Variants in HCFC1 observed in about 807,000 individuals in gnomAD.
The protein encoded by HCFC1 is host cell factor C1, also known as host cell factor 1.
In HCFC1, 7 loss-of-function variants were observed where a neutral mutation model predicts 105.5. The observed-to-expected ratio is 0.07, with a 90% confidence interval of 0.04 to 0.12. The LOEUF is 0.12. Among genes scored for constraint, HCFC1 ranks in the 10% least tolerant of loss-of-function variants. The probability of loss-of-function intolerance (pLI) is 1.00; values close to 1 mark genes in which losing one functional copy is unlikely to be tolerated. For missense variants in HCFC1, 1,065 were observed against 1,823.6 expected (o/e 0.58, Z 7.58); for synonymous variants, 918 against 828.1 (o/e 1.11, Z -1.86).
At chrX:153,960,577 A>G (rs907715794) in intron 6 of HCFC1, among the ~76,000 whole-genome samples, 163 bp from the exon 7 acceptor site, 11 of 112,384 alleles carry the variant, frequency 9.8e-5, no homozygotes, top group African/African-American at 3.6e-4. Flanking sequence ...TGTGGCAAAA[A>G]GCAACACAAA....
rs782397167 is a variant in HCFC1, at chrX:153,957,918, C to G, written c.2029-32G>C. On this transcript the variant is annotated intron_variant, in intron 11 of 25. Transcript: ENST00000310441. ...AGGAAGGGATGGAGCAAGGAGTGAT[C>G]TGGAAACCAAACAAGGGCATGGCCT... is the stretch of plus-strand genomic sequence containing the variant. 43 of 1,170,034 alleles carry G rather than the reference C, an allele frequency of 3.7e-5. 1 individual carries two copies. The Admixed American group carries it at 7.4e-4, about 20-fold the overall frequency.
At position 153,951,211 on chromosome X, in the gene HCFC1, GA is replaced by G. The variant is rs1238920797; in HGVS notation, c.5517+138del. ...TCTCCTTTTCTACTGCTTCAGGGGGGATGGTCTCTGCCCACCTTCCTCAGGC... is the reference window on the plus strand; with the variant it reads ...TCTCCTTTTCTACTGCTTCAGGGGGGTGGTCTCTGCCCACCTTCCTCAGGC... On this transcript the variant is annotated intron_variant, in intron 22 of 25. Coordinates refer to ENST00000310441, the MANE Select transcript of HCFC1 (RefSeq NM_005334.3). 5 of 730,301 alleles carry G rather than the reference GA, an allele frequency of 6.8e-6. No individual in the cohort carries two copies. The East Asian group carries it at 1.3e-4, about 19-fold the overall frequency. 60.2% of individuals were successfully genotyped at this position (730,301 alleles called of 1,213,427 possible). A position where few individuals can be genotyped will look rare whatever the true frequency, so the allele number is the denominator to read the frequency against.
chrX:153,964,371 G>T, intron 2 of HCFC1, 87 bp from the exon 3 acceptor site: 1 of 984,520 alleles, frequency 1.0e-6, no homozygotes, highest in Non-Finnish European at 1.4e-6. Flanking sequence ...AGGAGGAAAT[G>T]GCCGGGGGTG....
rs373748025 is a variant in HCFC1 at position 153,960,218 on chromosome X, G to T, written c.1084+17C>A. ...GGGAGGCTATGGGAGGAGGGGAGTC[G>T]GCTGGGCCGGGCCTACCTGTCTCTA... On this transcript the variant is annotated intron_variant, in intron 7 of 25. Transcript: ENST00000310441. 8.4e-7 allele frequency: 1 copy of T among 1,185,844 alleles called. No individual in the cohort carries two copies. The highest frequency in any genetic ancestry group is 1.1e-6 in the Non-Finnish European group (1 of 880,726).
chrX:153,963,711 T>C lies in HCFC1; in HGVS notation c.504-278A>G, dbSNP rs1298079657. Reference sequence around the variant, plus strand: ...GCCATGCACACAAAGCTGGGTATTATATGAGGGCTCCGCAGAGCAAGAGGG... The same window carrying C: ...GCCATGCACACAAAGCTGGGTATTACATGAGGGCTCCGCAGAGCAAGAGGG... On this transcript the variant is annotated intron_variant, in intron 3 of 25. Transcript: ENST00000310441. Among the ~76,000 whole-genome samples, 8 of 112,722 alleles carry C rather than the reference T, an allele frequency of 7.1e-5. No homozygotes were observed. The Admixed American group carries it at 7.4e-4, about 10-fold the overall frequency.
At position 153,951,416 on chromosome X, in the gene HCFC1, G is replaced by A. The variant is rs782112319; in HGVS notation, c.5451C>T (p.Val1817=). Residue 1817 remains valine, a synonymous_variant, in exon 22 of 26, where the codon GTC becomes GTT. Transcript: ENST00000310441. ...TCACCATTACATTGGTGCCCTTAAT[G>A]ACTCCCACATCAAACCACTGGTTTT... The part of the protein sequence containing the change: ...KKENQWFDVG[V]IKGTNVMVTH... 5.0e-6 allele frequency: 6 copies of A among 1,210,216 alleles called. No individual in the cohort carries two copies. Among genetic ancestry groups the A allele is most frequent in the Non-Finnish European group, 6.7e-6 (6 of 894,090 alleles).
At chrX:153,957,154 T>C in intron 13 of HCFC1, 94 bp from the exon 14 acceptor site, 2 of 1,051,295 alleles carry the variant, frequency 1.9e-6, no homozygotes, top group Non-Finnish European at 2.6e-6. Flanking sequence ...GTCACAGCCA[T>C]AGCCCTGCCC....
Position 153,954,985 on chromosome X carries a change from G to A in HCFC1, c.3414C>T (p.Ala1138=). 1 of 1,205,051 alleles carries A rather than the reference G, an allele frequency of 8.3e-7. No homozygotes were observed. Among genetic ancestry groups the A allele is most frequent in the Non-Finnish European group, 1.1e-6 (1 of 892,786 alleles). The change falls in exon 17 of 26, where the codon GCC becomes GCT. Residue 1138 remains alanine (A), a synonymous_variant. Transcript: ENST00000310441. The part of the protein sequence containing the change: ...GANHQRDARR[A]CAAGTPAVIR... ...TCACGGCAGGGGTGCCAGCTGCACA[G>A]GCCCGACGGGCATCTCGCTGGTGGT...
intron 19 of HCFC1, 142 bp downstream of exon 19, chrX:153,952,372 C>T (rs1382018040): frequency 1.5e-5 from 13 of 886,337 alleles, no homozygotes; most frequent in Non-Finnish European, 2.0e-5. Flanking sequence ...CTTGGCCTGC[C>T]TGGGGTCCCC....
intron 22 of HCFC1, 95 bp from the exon 23 acceptor site, chrX:153,951,093 G>A (rs1337160171): frequency 1.4e-5 from 12 of 875,516 alleles, no homozygotes; most frequent in East Asian, 3.1e-5. Context: ...ATGGGCCAGA[G>A]GGAAAAGAGG....
chrX:153,966,569 A>C (rs2065475639), intron 1 of HCFC1, among the ~76,000 whole-genome samples: 1 of 112,514 alleles, frequency 8.9e-6, no homozygotes, highest in African/African-American at 3.2e-5. Context: ...GTCCTGACCA[A>C]TCCCTGGAGG....
intron 18 of HCFC1, 138 bp from the exon 19 acceptor site, chrX:153,953,096 A>G (rs2065331081): frequency 1.8e-6 from 1 of 545,802 alleles, no homozygotes; most frequent in Non-Finnish European, 3.2e-6. Context: ...ATCTTCTAGA[A>G]AGGGAGAGAA....
Position 153,955,530 on chromosome X carries a change from G to A in HCFC1, c.2869C>T (p.Pro957Ser). The change falls in exon 17 of 26, where the codon CCC becomes TCC. Residue 957 changes from proline (P) to serine (S), a missense_variant. Pro to Ser is a moderately conservative substitution (Grantham distance 74). Around this residue, in one of 17 missense-constraint regions of HCFC1, gnomAD observed 137 missense variants for 378.2 expected, o/e 0.36. Transcript: ENST00000310441. ...PTITMQPVSQ[P>S]TQVTLITAPS... ...GCCGTGATCAGAGTTACCTGGGTGG[G>A]CTGGGACACGGGCTGGGGAGACACA... 8.5e-7 allele frequency: 1 copy of A among 1,171,065 alleles called. No homozygotes were observed. Among genetic ancestry groups the A allele is most frequent in the South Asian group, 2.0e-5 (1 of 50,390 alleles).
At position 153,955,299 on chromosome X, in the gene HCFC1, C is replaced by A; in HGVS notation, c.3100G>T (p.Val1034Leu). ...TGGGGGTGTCCCCCAAGGTTAGCCA[C>A]AACAGTAGTGGTGGCCGTGTTGGTG... Reference protein sequence around the residue: ...GTTNTATTTVVANLGGHPQPT... With the variant: ...GTTNTATTTVLANLGGHPQPT... The change falls in exon 17 of 26, where the codon GTG becomes TTG. Residue 1034 changes from valine to leucine, a missense_variant. Physicochemically the swap from Val to Leu is conservative, Grantham distance 32. This residue lies in a region of HCFC1 where 546 missense variants were observed against 599.9 expected (regional missense o/e 0.91). Transcript: ENST00000310441. The A allele has an allele frequency of 8.3e-7, 1 of 1,205,298 alleles. No homozygotes were observed. Among genetic ancestry groups the A allele is most frequent in the South Asian group, 1.8e-5 (1 of 56,628 alleles).
chrX:153,954,084 T>G lies in HCFC1; in HGVS notation c.4315A>C (p.Asn1439His), dbSNP rs782138046. The change falls in exon 17 of 26, where the codon AAC becomes CAC. Residue 1439 changes from asparagine (N) to histidine (H), a missense_variant. Asn to His is a moderately conservative substitution (Grantham distance 68). Around this residue, in one of 17 missense-constraint regions of HCFC1, gnomAD observed 546 missense variants for 599.9 expected, o/e 0.91. Coordinates refer to ENST00000310441, the MANE Select transcript of HCFC1 (RefSeq NM_005334.3). The stretch of plus-strand genomic sequence containing the variant: ...CACTTACCTTGGTTTGAACTCATGT[T>G]GGAAGTGACAGTGGTGGCCGTGTGA... ...TTHTATTVTSNMSSNQDPPPA... is the reference protein window; with the variant it reads ...TTHTATTVTSHMSSNQDPPPA... 36 of 1,202,426 alleles carry G rather than the reference T, an allele frequency of 3.0e-5. No individual in the cohort carries two copies. The highest frequency in any genetic ancestry group is 4.0e-5 in the Non-Finnish European group (36 of 889,127).
chrX:153,960,508 A>G, intron 6 of HCFC1, 94 bp from the exon 7 acceptor site: 1 of 579,171 alleles, frequency 1.7e-6, no homozygotes, highest in Non-Finnish European at 2.6e-6. Context: ...AAGGATGGGA[A>G]TTAAAATCAA....
chrX:153,951,891 G>C lies in HCFC1; in HGVS notation c.5210C>G (p.Ala1737Gly), dbSNP rs2065316212. The C allele has an allele frequency of 2.5e-6, 3 of 1,194,608 alleles. No individual in the cohort carries two copies. Among genetic ancestry groups the C allele is most frequent in the Non-Finnish European group, 3.4e-6 (3 of 885,188 alleles). Residue 1737 changes from alanine (A) to glycine (G), a missense_variant, in exon 20 of 26, where the codon GCC becomes GGC. Ala to Gly is a moderately conservative substitution (Grantham distance 60). Around this residue, in one of 17 missense-constraint regions of HCFC1, gnomAD observed 115 missense variants for 143.7 expected, o/e 0.80. Coordinates refer to ENST00000310441, the MANE Select transcript of HCFC1 (RefSeq NM_005334.3). ...CGCCACAGTGCTGGGGACCGTGCCG[G>C]CCAGCTCATTGAGGCAATTGCTCTC... ...AIESNCLNELAGTVPSTVALL... is the reference protein window; with the variant it reads ...AIESNCLNELGGTVPSTVALL...
At chrX:153,963,959 G>A (rs180831426) in intron 3 of HCFC1, among the ~76,000 whole-genome samples, 165 bp downstream of exon 3, 2 of 111,958 alleles carry the variant, frequency 1.8e-5, no homozygotes, top group Admixed American at 9.4e-5. Context: ...GAGCCCGAAA[G>A]CTCCTGAGAG....
rs960519748 is a variant in HCFC1, at chrX:153,948,669, T to C, written c.*678A>G. 8.8e-6 allele frequency: 1 copy of C among 113,055 alleles called. No homozygotes were observed. Among genetic ancestry groups the C allele is most frequent in the African/African-American group, 3.2e-5 (1 of 31,076 alleles). The allele number at this position is 113,055 out of a possible 1,213,427, so 9.3% of individuals were successfully genotyped here. A position where few individuals can be genotyped will look rare whatever the true frequency, so the allele number is the denominator to read the frequency against. On this transcript the variant is annotated 3_prime_UTR_variant, in exon 26 of 26. Transcript: ENST00000310441. ...AAATGCAGCAGTTGGCAGTGCGGCCTGCAGGGAGGTCTGCACAGGCGCTGC... is the reference window on the plus strand; with the variant it reads ...AAATGCAGCAGTTGGCAGTGCGGCCCGCAGGGAGGTCTGCACAGGCGCTGC...
Sources: allele counts gnomAD v4.1 joint callset (sites outside exome capture counted in the v4.1 genomes callset), GRCh38; gene constraint gnomAD v4.1.1; regional missense constraint gnomAD v4.1.1; transcripts MANE v1.5; gene names NCBI Gene and HGNC (gene_info 2026-07-23, HGNC 2026-07-21).